LHFPL2: variants seen among roughly 807,000 people sequenced by gnomAD.
The protein encoded by LHFPL2 is LHFPL tetraspan subfamily member 2 protein.
In LHFPL2, 7 loss-of-function variants were observed where a neutral mutation model predicts 17.5. That is an observed-to-expected ratio of 0.40 (90% CI 0.23 to 0.75). The LOEUF (loss-of-function observed/expected upper bound fraction) is 0.75, where lower values mean the gene tolerates loss of function less well. LHFPL2 is among the 30% of genes least tolerant of loss of function. The pLI is 0.37. For synonymous variants in LHFPL2, 134 were observed against 116.2 expected, an observed-to-expected ratio of 1.15 and a Z score of -0.99; for missense variants, 241 against 294.8, an observed-to-expected ratio of 0.82 and a Z score of 1.34.
At chr5:78,634,504 C>G (rs185442701) in intron 1 of LHFPL2, among the ~76,000 whole-genome samples, 20 of 152,366 alleles carry the variant, frequency 1.3e-4, no homozygotes, top group Admixed American at 1.2e-3. Context: ...TATGGTCCCA[C>G]GCCTCCAAAG....
intron 3 of LHFPL2, among the ~76,000 whole-genome samples, chr5:78,521,635 T>C (rs1755461448): frequency 6.6e-6 from 1 of 152,046 alleles, no homozygotes; most frequent in African/African-American, 2.4e-5. Context: ...AGGTCAGGGG[T>C]GAGAGGTTCT....
chr5:78,522,452 A>T (rs1425532058), intron 3 of LHFPL2, among the ~76,000 whole-genome samples: 3 of 152,012 alleles, frequency 2.0e-5, no homozygotes, highest in South Asian at 2.1e-4. Flanking sequence ...TAAAAAAAAA[A>T]TTTTAAAAAG....
intron 3 of LHFPL2, among the ~76,000 whole-genome samples, chr5:78,553,672 G>T (rs566748348): frequency 2.6e-5 from 4 of 152,202 alleles, no homozygotes; most frequent in Non-Finnish European, 5.9e-5. Context: ...TCCACTGACA[G>T]CACTGATTCC....
At chr5:78,540,033 G>C (rs1756062976) in intron 3 of LHFPL2, among the ~76,000 whole-genome samples, 1 of 152,160 alleles carries the variant, frequency 6.6e-6, no homozygotes, top group Admixed American at 6.5e-5. Flanking sequence ...CTCCAGAGGT[G>C]ACTGGCAGAG....
At chr5:78,576,514 G>A (rs1438855140) in intron 2 of LHFPL2, among the ~76,000 whole-genome samples, 1 of 152,094 alleles carries the variant, frequency 6.6e-6, no homozygotes, top group Admixed American at 6.6e-5. Flanking sequence ...CATGAGCTGT[G>A]TCTCTTTAAG....
intron 3 of LHFPL2, among the ~76,000 whole-genome samples, chr5:78,517,775 TG>T (rs1561317645): frequency 6.6e-6 from 1 of 152,128 alleles, no homozygotes; most frequent in Non-Finnish European, 1.5e-5. Flanking sequence ...AAATGAGATT[TG>T]GGTGGGGACA....
chr5:78,551,896 A>G (rs1359522705), intron 3 of LHFPL2, among the ~76,000 whole-genome samples: 1 of 152,202 alleles, frequency 6.6e-6, no homozygotes, highest in African/African-American at 2.4e-5. Flanking sequence ...ATGCATGCCC[A>G]GAGAGGCCAA....
At chr5:78,503,591 A>C (rs1397271118) in intron 4 of LHFPL2, among the ~76,000 whole-genome samples, 34 of 152,140 alleles carry the variant, frequency 2.2e-4, no homozygotes. Flanking sequence ...CCAGCTACTC[A>C]GGAGGCTGAG....
chr5:78,503,068 A>C (rs1262445933), intron 4 of LHFPL2, among the ~76,000 whole-genome samples: 1 of 152,212 alleles, frequency 6.6e-6, no homozygotes, highest in African/African-American at 2.4e-5. Context: ...TGAGCTCATA[A>C]ATGTGGCTGA....
intron 2 of LHFPL2, among the ~76,000 whole-genome samples, chr5:78,568,414 T>A (rs146133403): frequency 2.6e-5 from 4 of 152,320 alleles, no homozygotes; most frequent in African/African-American, 4.8e-5. Context: ...CTGCCTTTAG[T>A]GCCACACAGA....
intron 2 of LHFPL2, among the ~76,000 whole-genome samples, chr5:78,578,719 C>T (rs1467045383): frequency 1.3e-5 from 2 of 152,140 alleles, no homozygotes; most frequent in African/African-American, 4.8e-5. Flanking sequence ...AAATGAATGA[C>T]TTGACTTTGC....
At chr5:78,517,842 C>T (rs892582127) in intron 3 of LHFPL2, among the ~76,000 whole-genome samples, 2 of 152,200 alleles carry the variant, frequency 1.3e-5, no homozygotes, top group Admixed American at 6.5e-5. Flanking sequence ...TTGTCTGGTC[C>T]TATTTTCTAA....
chr5:78,640,765 T>C (rs888762850), intron 1 of LHFPL2, among the ~76,000 whole-genome samples: 3 of 152,236 alleles, frequency 2.0e-5, no homozygotes, highest in African/African-American at 7.2e-5. Flanking sequence ...TGAGGTGTTA[T>C]TGCTGGTTAC....
chr5:78,520,774 G>A (rs1006302985), intron 3 of LHFPL2, among the ~76,000 whole-genome samples: 3 of 152,012 alleles, frequency 2.0e-5, no homozygotes, highest in African/African-American at 4.8e-5. Context: ...TTGGGAAAAC[G>A]GTAGAGCATT....
At chr5:78,555,644 G>A (rs1274880348) in intron 3 of LHFPL2, among the ~76,000 whole-genome samples, 2 of 152,246 alleles carry the variant, frequency 1.3e-5, no homozygotes, top group Non-Finnish European at 2.9e-5. Context: ...TTGGGGGCAT[G>A]CTAAATTAAA....
chr5:78,560,433 A>G (rs1756695123), intron 3 of LHFPL2, among the ~76,000 whole-genome samples: 1 of 152,258 alleles, frequency 6.6e-6, no homozygotes, highest in African/African-American at 2.4e-5. Flanking sequence ...ATTTTGTCCT[A>G]GATGACTGTT....
At chr5:78,592,621 T>TAC (rs3068900) in intron 2 of LHFPL2, among the ~76,000 whole-genome samples, 137 of 129,596 alleles carry the variant, frequency 1.1e-3, no homozygotes, top group Non-Finnish European at 1.5e-3. Flanking sequence ...AAAATTCAGA[T>TAC]ACACACACAC....
intron 2 of LHFPL2, among the ~76,000 whole-genome samples, chr5:78,592,995 T>A (rs560396145): frequency 2.0e-4 from 31 of 152,202 alleles, no homozygotes; most frequent in Non-Finnish European, 3.5e-4. Context: ...GAAATGTACA[T>A]TTTATGTTAT....
chr5:78,503,429 G>A (rs1194397673), intron 4 of LHFPL2, among the ~76,000 whole-genome samples: 2 of 152,166 alleles, frequency 1.3e-5, no homozygotes, highest in Non-Finnish European at 2.9e-5. Context: ...CAGGTGCGGT[G>A]GCTCTGCCTG....
Sources: gnomAD v4.1 joint callset for allele counts (sites outside exome capture counted in the v4.1 genomes callset) on GRCh38, gnomAD v4.1.1 for gene constraint, MANE v1.5 for transcripts, NCBI Gene and HGNC (gene_info 2026-07-23, HGNC 2026-07-21) for gene names.